The following PIK3R1 variants were observed in gnomAD, a reference collection of about 807,000 sequenced individuals.
PIK3R1 encodes the protein phosphoinositide-3-kinase regulatory subunit 1, also known as phosphatidylinositol 3-kinase regulatory subunit alpha.
Under a neutral mutation model 98.0 loss-of-function variants are expected in PIK3R1, and 29 were observed. The observed-to-expected ratio is 0.30, with a 90% confidence interval of 0.22 to 0.40. PIK3R1 has a LOEUF of 0.40. Ranked by LOEUF, PIK3R1 falls within the 10% of genes least tolerant of loss-of-function variation. The pLI, the probability that PIK3R1 is intolerant of heterozygous loss-of-function variation, is 1.00. For missense variants in PIK3R1, 596 were observed against 872.7 expected, an observed-to-expected ratio of 0.68 and a Z score of 3.99; for synonymous variants, 282 against 311.8, an observed-to-expected ratio of 0.90 and a Z score of 1.01.
At chr5:68,248,007 T>C (rs1276681016) in intron 2 of PIK3R1, among the ~76,000 whole-genome samples, 1 of 152,134 alleles carries the variant, frequency 6.6e-6, no homozygotes, top group Admixed American at 6.5e-5. Flanking sequence ...TCTTTTTTTT[T>C]TTTTGACAGG....
intron 2 of PIK3R1, among the ~76,000 whole-genome samples, chr5:68,248,460 A>G (rs192582223): frequency 8.5e-5 from 13 of 152,342 alleles, no homozygotes; most frequent in Admixed American, 8.5e-4. Context: ...AATTCTTGAG[A>G]AAATTAAGAT....
In PIK3R1 at chr5:68,226,779, G is replaced by A. The variant is rs1017086766; in HGVS notation, c.104G>A (p.Gly35Glu). The part of the protein sequence containing the change: ...HLGDILTVNK[G>E]SLVALGFSDG... ...GGTGACATATTGACTGTGAATAAAG[G>A]GTCCTTAGTAGCTCTTGGATTCAGT... Residue 35 changes from glycine (G) to glutamate (E), a missense_variant, in exon 2 of 16, where the codon GGG becomes GAG. Transcript: ENST00000521381. The A allele has an allele frequency of 7.4e-6, 12 of 1,613,962 alleles. No individual in the cohort carries two copies. The highest frequency in any genetic ancestry group is 1.0e-5 in the Non-Finnish European group (12 of 1,180,000).
In PIK3R1 at chr5:68,301,551, T is replaced by A. The variant is rs1203063504; in HGVS notation, c.*3950T>A. 1 of 156,750 alleles carries A rather than the reference T, an allele frequency of 6.4e-6. No homozygotes were observed. Among genetic ancestry groups the A allele is most frequent in the African/African-American group, 2.5e-5 (1 of 40,670 alleles). 9.7% of individuals were successfully genotyped at this position (156,750 alleles called of 1,614,324 possible). A position where few individuals can be genotyped will look rare whatever the true frequency, so the allele number is the denominator to read the frequency against. ...ACAAAAAAAAACTCATTTATACCTG[T>A]GTATTTTTTAAAGCTACAATCTGTT... On this transcript the variant is annotated 3_prime_UTR_variant, in exon 16 of 16. Transcript: ENST00000521381.
Position 68,227,043 on chromosome 5 carries a change from C to CTT in PIK3R1, c.334+36_334+37dup, listed in dbSNP as rs749901268. ...TGATAAGTGGTTGCTTAATGACTCC[C>CTT]TTTCTTTTTCTTTTTAAGGAAAAGT... On this transcript the variant is annotated intron_variant, in intron 2 of 15. Coordinates refer to ENST00000521381, the MANE Select transcript of PIK3R1 (RefSeq NM_181523.3). The CTT allele has an allele frequency of 3.3e-6, 5 of 1,526,162 alleles. No homozygotes were observed. The South Asian group carries it at 6.3e-5, about 19-fold the overall frequency. The allele number at this position is 1,526,162 out of a possible 1,614,324, so 94.5% of individuals were successfully genotyped here.
chr5:68,232,997 T>A (rs1208975928), intron 2 of PIK3R1, among the ~76,000 whole-genome samples: 1 of 152,256 alleles, frequency 6.6e-6, no homozygotes, highest in African/African-American at 2.4e-5. Flanking sequence ...GATGTCAGTC[T>A]TCTCTGGTTT....
At chr5:68,293,989 C>T (rs1311919319) in intron 11 of PIK3R1, among the ~76,000 whole-genome samples, 155 bp downstream of exon 11, 1 of 152,138 alleles carries the variant, frequency 6.6e-6, no homozygotes. Flanking sequence ...AGTGTAATAT[C>T]TCTAAAGCTT....
In PIK3R1 at chr5:68,295,523, T is replaced by C. The variant is rs754870911; in HGVS notation, c.1814+35T>C. 1.9e-6 allele frequency: 3 copies of C among 1,572,320 alleles called. No homozygotes were observed. In the Admixed American group the frequency reaches 5.0e-5, roughly 26 times the overall value. On this transcript the variant is annotated intron_variant, in intron 14 of 15. Transcript: ENST00000521381. ...TACTAAAGATGGTGATAGCAGAAGA[T>C]TTTTCTCATTTTAGGAAAATGCATG...
intron 7 of PIK3R1, among the ~76,000 whole-genome samples, chr5:68,282,174 C>A (rs758619062): frequency 2.0e-5 from 3 of 152,124 alleles, no homozygotes; most frequent in Non-Finnish European, 4.4e-5. Context: ...AGGTAAACTA[C>A]GTCAAAGAAG....
intron 14 of PIK3R1, 52 bp from the exon 15 acceptor site, chr5:68,296,119 G>A (rs2112282343): frequency 6.4e-7 from 1 of 1,574,334 alleles, no homozygotes; most frequent in South Asian, 1.1e-5. Context: ...AGCAAGGCAG[G>A]CTGATGGCTC....
intron 2 of PIK3R1, among the ~76,000 whole-genome samples, chr5:68,271,977 G>A (rs1746379378): frequency 6.6e-6 from 1 of 152,228 alleles, no homozygotes; most frequent in African/African-American, 2.4e-5. Flanking sequence ...TTGGCCAGGT[G>A]CAGTGGCTCA....
chr5:68,288,371 TTTATC>T, intron 7 of PIK3R1: 1 of 1,088,362 alleles, frequency 9.2e-7, no homozygotes, highest in Non-Finnish European at 1.1e-6. Context: ...AGCTGCGATC[TTTATC>T]TAAGGGAGAC....
intron 1 of PIK3R1, among the ~76,000 whole-genome samples, chr5:68,221,774 C>G (rs1744099811): frequency 6.6e-6 from 1 of 152,154 alleles, no homozygotes; most frequent in Non-Finnish European, 1.5e-5. Context: ...TGCTATTTGT[C>G]AAACATCAGA....
At chr5:68,256,472 C>T (rs556684755) in intron 2 of PIK3R1, among the ~76,000 whole-genome samples, 7 of 152,256 alleles carry the variant, frequency 4.6e-5, no homozygotes, top group East Asian at 1.9e-4. Context: ...CCTTGTGATC[C>T]GCCCGCCTCG....
intron 2 of PIK3R1, among the ~76,000 whole-genome samples, chr5:68,255,722 C>T (rs1245140291): frequency 6.6e-6 from 1 of 152,218 alleles, no homozygotes; most frequent in African/African-American, 2.4e-5. Context: ...AAGCTGCTCC[C>T]TATAGCACTG....
chr5:68,291,723 C>T (rs1747405946), intron 7 of PIK3R1: 2 of 152,458 alleles, frequency 1.3e-5, no homozygotes, highest in Admixed American at 1.3e-4. Context: ...CAGAACAGTG[C>T]CTGAAATACT....
intron 2 of PIK3R1, among the ~76,000 whole-genome samples, chr5:68,266,460 T>A (rs1464411767): frequency 6.6e-6 from 1 of 152,218 alleles, no homozygotes. Flanking sequence ...AAGTAGTTCA[T>A]AATGAGAGGG....
At chr5:68,284,137 C>T (rs1198915951) in intron 7 of PIK3R1, among the ~76,000 whole-genome samples, 1 of 152,186 alleles carries the variant, frequency 6.6e-6, no homozygotes, top group African/African-American at 2.4e-5. Flanking sequence ...TAATGCCTCT[C>T]TCCTGGGGTT....
Position 68,273,461 on chromosome 5 carries a change from G to A in PIK3R1, c.406G>A (p.Val136Met), listed in dbSNP as rs539374043. ...TGCCCCGCCTCTTCTTATCAAGCTCGTGGAAGCCATTGAAAAGAAAGGTAA... is the reference window on the plus strand; with the variant it reads ...TGCCCCGCCTCTTCTTATCAAGCTCATGGAAGCCATTGAAAAGAAAGGTAA... ...DIAPPLLIKL[V>M]EAIEKKGLEC... Residue 136 changes from valine to methionine, a missense_variant, in exon 3 of 16, where the codon GTG (valine) becomes ATG (methionine). Physicochemically the swap from Val to Met is conservative, Grantham distance 21 (BLOSUM62 1). Coordinates refer to ENST00000521381, the MANE Select transcript of PIK3R1 (RefSeq NM_181523.3). The A allele has an allele frequency of 4.0e-5, 65 of 1,613,944 alleles. No individual in the cohort carries two copies. Among genetic ancestry groups the A allele is most frequent in the Middle Eastern group, 1.7e-4 (1 of 6,060 alleles).
intron 2 of PIK3R1, among the ~76,000 whole-genome samples, chr5:68,268,993 G>A (rs1476404404): frequency 6.6e-6 from 1 of 152,118 alleles, no homozygotes; most frequent in African/African-American, 2.4e-5. Flanking sequence ...GGGCAAAGGG[G>A]GAAAACTAGA....
Sources: gnomAD v4.1 joint callset for allele counts (sites outside exome capture counted in the v4.1 genomes callset) on GRCh38, gnomAD v4.1.1 for gene constraint, MANE v1.5 for transcripts, NCBI Gene and HGNC (gene_info 2026-07-23, HGNC 2026-07-21) for gene names.